The following NAP1L1 variants were observed in gnomAD, a reference collection of about 807,000 sequenced individuals.
NAP1L1 encodes nucleosome assembly protein 1-like 1.
A neutral mutation model predicts 58.9 loss-of-function variants in NAP1L1; 9 were observed. The ratio of observed to expected loss-of-function variants is 0.15; its 90% CI spans 0.09 to 0.27. The LOEUF (loss-of-function observed/expected upper bound fraction) is 0.27, where lower values mean the gene tolerates loss of function less well. NAP1L1 is among the 10% of genes least tolerant of loss of function. NAP1L1 has a pLI of 1.00. For missense variants in NAP1L1, 302 were observed against 458.8 expected, an observed-to-expected ratio of 0.66 and a Z score of 3.12; for synonymous variants, 130 against 138.3, an observed-to-expected ratio of 0.94 and a Z score of 0.42.
Position 76,076,590 on chromosome 12 carries a change from A to C in NAP1L1, c.-20-2351T>G, listed in dbSNP as rs868207334. On this transcript the variant is annotated intron_variant, in intron 1 of 14. Coordinates refer to ENST00000618691, the MANE Select transcript of NAP1L1 (RefSeq NM_004537.7). ...TATATATATATATATATATATATAT[A>C]TATCTCCACTCATATACGCACATAC... Among the ~76,000 whole-genome samples the C allele has an allele frequency of 5.3e-3, 736 of 137,956 alleles. 12 individuals carry two copies. Among genetic ancestry groups the C allele is most frequent in the African/African-American group, 0.02 (710 of 35,348 alleles). The allele number at this position is 137,956 out of a possible 152,430, so 90.5% of individuals were successfully genotyped here.
chr12:76,053,420 T>A (rs1200749558), intron 9 of NAP1L1, 70 bp from the exon 10 acceptor site: 1 of 1,525,286 alleles, frequency 6.6e-7, no homozygotes, highest in South Asian at 1.3e-5. Context: ...TAGAAGTAAA[T>A]GTTCTATTTA....
In NAP1L1 at chr12:76,047,375, T is replaced by TG. The variant is rs147220462; in HGVS notation, c.*1053_*1054insC. 7.0e-6 allele frequency: 1 copy of TG among 143,024 alleles called. No homozygotes were observed. Among genetic ancestry groups the TG allele is most frequent in the Non-Finnish European group, 1.5e-5 (1 of 66,814 alleles). 8.9% of individuals were successfully genotyped at this position (143,024 alleles called of 1,614,324 possible). On this transcript the variant is annotated 3_prime_UTR_variant, in exon 15 of 15. Transcript: ENST00000618691. The stretch of plus-strand genomic sequence containing the variant: ...GCTCTAACCCAAAGAAAATGAATTT[T>TG]TTTTTTTTTTTTTAAAAGAAAACAG...
intron 1 of NAP1L1, among the ~76,000 whole-genome samples, chr12:76,076,954 C>T (rs1484828688): frequency 6.6e-6 from 1 of 152,122 alleles, no homozygotes; most frequent in East Asian, 1.9e-4. Context: ...TGCATGACTG[C>T]ATTTGGTTTT....
At chr12:76,052,975 G>A in intron 11 of NAP1L1, 116 bp downstream of exon 11, 1 of 874,726 alleles carries the variant, frequency 1.1e-6, no homozygotes, top group Non-Finnish European at 1.7e-6. Flanking sequence ...TCTGCCCCAT[G>A]CATTGTAGGC....
At chr12:76,061,206 C>T in intron 4 of NAP1L1, 1 of 190,822 alleles carries the variant, frequency 5.2e-6, no homozygotes, top group Non-Finnish European at 1.1e-5. Context: ...TGAAGGTTTG[C>T]TATACAGATT....
At chr12:76,062,288 C>A (rs1270555230) in intron 4 of NAP1L1, among the ~76,000 whole-genome samples, 1 of 152,156 alleles carries the variant, frequency 6.6e-6, no homozygotes, top group South Asian at 2.1e-4. Flanking sequence ...CCTGGACTGG[C>A]AGCAAACTTT....
At chr12:76,048,773 A>T (rs992527304) in intron 14 of NAP1L1, among the ~76,000 whole-genome samples, 1 of 152,152 alleles carries the variant, frequency 6.6e-6, no homozygotes, top group African/African-American at 2.4e-5. Flanking sequence ...TAATCCTAAT[A>T]TAACAAATTC....
At chr12:76,065,900 T>C (rs964578486) in intron 4 of NAP1L1, among the ~76,000 whole-genome samples, 4 of 151,704 alleles carry the variant, frequency 2.6e-5, no homozygotes, top group Non-Finnish European at 4.4e-5. Flanking sequence ...TATAAAGTCA[T>C]AGTAATTAAG....
intron 6 of NAP1L1, chr12:76,056,522 C>T: frequency 2.3e-6 from 1 of 428,722 alleles, no homozygotes; most frequent in Non-Finnish European, 4.6e-6. Flanking sequence ...ACATTATATT[C>T]TCTTTACCAA....
At chr12:76,074,332 A>G (rs938251279) in intron 1 of NAP1L1, 93 bp from the exon 2 acceptor site, 66 of 1,374,510 alleles carry the variant, frequency 4.8e-5, no homozygotes, top group Non-Finnish European at 5.9e-5. Context: ...ACCATACTGA[A>G]AACTATCCCA....
rs1565705579 is a variant in NAP1L1, at chr12:76,040,975, G to C, written c.*7454C>G. 6.6e-6 allele frequency: 1 copy of C among 152,238 alleles called. No homozygotes were observed. Among genetic ancestry groups the C allele is most frequent in the Non-Finnish European group, 1.5e-5 (1 of 68,058 alleles). The allele number at this position is 152,238 out of a possible 1,614,324, so 9.4% of individuals were successfully genotyped here. ...ACTTATTGGTAAAGTTTCCACAGTAGGCTGTCAAGTTTTGGGGGAATCAGC... is the reference window on the plus strand; with the variant it reads ...ACTTATTGGTAAAGTTTCCACAGTACGCTGTCAAGTTTTGGGGGAATCAGC... On this transcript the variant is annotated 3_prime_UTR_variant, in exon 15 of 15. Coordinates refer to ENST00000618691, the MANE Select transcript of NAP1L1 (RefSeq NM_004537.7).
rs1243697427 is a variant in NAP1L1, at chr12:76,040,473, A to T, written c.*7956T>A. ...GGCAGTGAGGATTGAGACTGTTATA[A>T]TCCAGTTCCACCTGAGAGTAAATAT... is the stretch of plus-strand genomic sequence containing the variant. On this transcript the variant is annotated 3_prime_UTR_variant, in exon 15 of 15. Coordinates refer to ENST00000618691, the MANE Select transcript of NAP1L1 (RefSeq NM_004537.7). The T allele has an allele frequency of 6.6e-6, 1 of 152,084 alleles. No homozygotes were observed. Among genetic ancestry groups the T allele is most frequent in the Non-Finnish European group, 1.5e-5 (1 of 68,048 alleles). 9.4% of individuals were successfully genotyped at this position (152,084 alleles called of 1,614,324 possible).
chr12:76,064,736 A>C (rs1377649811), intron 4 of NAP1L1, among the ~76,000 whole-genome samples: 1 of 152,048 alleles, frequency 6.6e-6, no homozygotes, highest in Non-Finnish European at 1.5e-5. Context: ...AAATATGTAC[A>C]TGTTTAAAAT....
intron 1 of NAP1L1, chr12:76,083,771 G>A (rs1252873037): frequency 1.3e-5 from 2 of 152,230 alleles, no homozygotes; most frequent in African/African-American, 4.8e-5. Context: ...CCAATAAAAA[G>A]ATTAAGACCA....
intron 7 of NAP1L1, among the ~76,000 whole-genome samples, chr12:76,055,312 C>T (rs1454316374): frequency 6.6e-6 from 1 of 152,180 alleles, no homozygotes; most frequent in East Asian, 1.9e-4. Context: ...AAATAGACAA[C>T]TGAATTATTA....
At chr12:76,067,531 T>C in intron 3 of NAP1L1, 58 bp from the exon 4 acceptor site, 1 of 1,369,638 alleles carries the variant, frequency 7.3e-7, no homozygotes, top group Non-Finnish European at 1.0e-6. Flanking sequence ...TATGCTTTTT[T>C]AATAGGACAA....
intron 4 of NAP1L1, among the ~76,000 whole-genome samples, chr12:76,063,079 C>G (rs949863492): frequency 1.3e-5 from 2 of 152,106 alleles, no homozygotes; most frequent in African/African-American, 4.8e-5. Flanking sequence ...ATCAGGTATA[C>G]CAGGCTTCAG....
intron 4 of NAP1L1, among the ~76,000 whole-genome samples, chr12:76,063,881 TAAAAAAAAAAA>T (rs10693123): frequency 5.1e-5 from 7 of 137,496 alleles, no homozygotes; most frequent in Non-Finnish European, 1.1e-4. Context: ...GTTAAAAGTT[TAAAAAAAAAAA>T]AAAAAAAAAA....
At position 76,041,599 on chromosome 12, in the gene NAP1L1, T is replaced by C. The variant is rs533886616; in HGVS notation, c.*6830A>G. The C allele has an allele frequency of 6.6e-6, 1 of 152,286 alleles. No homozygotes were observed. Among genetic ancestry groups the C allele is most frequent in the South Asian group, 2.1e-4 (1 of 4,816 alleles). 9.4% of individuals were successfully genotyped at this position (152,286 alleles called of 1,614,324 possible). ...TTCCAGCCTCCAGTTTTGAAATCCA[T>C]AGTTAAGTGCGGCAGCTCCCACTTG... On this transcript the variant is annotated 3_prime_UTR_variant, in exon 15 of 15. Transcript: ENST00000618691.
Sources: allele counts gnomAD v4.1 joint callset (sites outside exome capture counted in the v4.1 genomes callset), GRCh38; gene constraint gnomAD v4.1.1; transcripts MANE v1.5; gene names NCBI Gene and HGNC (gene_info 2026-07-23, HGNC 2026-07-21).